ZNF362: variants seen among roughly 807,000 people sequenced by gnomAD.
The protein encoded by ZNF362 is rotund homolog.
In ZNF362, 11 loss-of-function variants were observed where a neutral mutation model predicts 42.9. The ratio of observed to expected loss-of-function variants is 0.26; its 90% CI spans 0.16 to 0.42. The LOEUF (loss-of-function observed/expected upper bound fraction) is 0.42. Ranked by LOEUF, ZNF362 falls within the 20% of genes least tolerant of loss-of-function variation. ZNF362 has a pLI of 1.00. For synonymous variants in ZNF362, 255 were observed against 257.3 expected (o/e 0.99, Z 0.09); for missense variants, 362 against 576.2 (o/e 0.63, Z 3.81).
chr1:33,299,671 A>G lies in ZNF362; in HGVS notation c.*625A>G, dbSNP rs1132790. The G allele has an allele frequency of 0.5, 75,410 of 152,044 alleles. 19,913 individuals are homozygous for G. Among genetic ancestry groups the G allele is most frequent in the African/African-American group, 0.69 (28,505 of 41,232 alleles). The allele number at this position is 152,044 out of a possible 1,614,324, so 9.4% of individuals were successfully genotyped here. A position where few individuals can be genotyped will look rare whatever the true frequency, so the allele number is the denominator to read the frequency against. On this transcript the variant is annotated 3_prime_UTR_variant, in exon 9 of 9. Coordinates refer to ENST00000539719, the MANE Select transcript of ZNF362 (RefSeq NM_152493.3). ...GAGGGGTGCGGCAGCTTCAGGAGGCAGAAACGAGAGGGGTGGGAGATCCAC... is the reference window on the plus strand; with the variant it reads ...GAGGGGTGCGGCAGCTTCAGGAGGCGGAAACGAGAGGGGTGGGAGATCCAC...
At chr1:33,257,325 A>T (rs571487599) in intron 1 of ZNF362, among the ~76,000 whole-genome samples, 1 of 151,944 alleles carries the variant, frequency 6.6e-6, no homozygotes, top group Non-Finnish European at 1.5e-5. Flanking sequence ...TTAAAGAAAA[A>T]AAAAAAGGGA....
chr1:33,178,469 T>C, the ZNF362 span, among the ~76,000 whole-genome samples: 1 of 152,128 alleles, frequency 6.6e-6, no homozygotes, highest in Non-Finnish European at 1.5e-5. Flanking sequence ...AAGGCCTCCT[T>C]CTCGGGCCAG....
At chr1:33,157,514 T>C in the ZNF362 span, among the ~76,000 whole-genome samples, 2 of 152,276 alleles carry the variant, frequency 1.3e-5, no homozygotes, top group Admixed American at 1.3e-4. Context: ...CAGTATCTAA[T>C]ATGCTCTGTA....
chr1:33,162,093 C>T, the ZNF362 span, among the ~76,000 whole-genome samples: 4 of 152,230 alleles, frequency 2.6e-5, no homozygotes, highest in East Asian at 5.8e-4. Flanking sequence ...TACAAGTCAA[C>T]TCTTGTCTTT....
chr1:33,279,796 G>T (rs1287005334), intron 4 of ZNF362, among the ~76,000 whole-genome samples: 4 of 152,086 alleles, frequency 2.6e-5, no homozygotes, highest in Non-Finnish European at 5.9e-5. Flanking sequence ...GCAATTAATT[G>T]CTGTTTACCG....
intron 6 of ZNF362, among the ~76,000 whole-genome samples, chr1:33,291,041 T>C (rs1159128469): frequency 6.6e-6 from 1 of 152,238 alleles, no homozygotes; most frequent in Non-Finnish European, 1.5e-5. Context: ...GGTAGTTTCT[T>C]TTGCTGTGCA....
chr1:33,168,565 T>C, the ZNF362 span, among the ~76,000 whole-genome samples: 26 of 152,192 alleles, frequency 1.7e-4, 1 homozygote, highest in Admixed American at 7.2e-4. Context: ...AGTCCTTTCC[T>C]AGAGACTTGT....
chr1:33,181,439 AG>A, the ZNF362 span: 2 of 1,586,898 alleles, frequency 1.3e-6, no homozygotes, highest in Admixed American at 3.5e-5. The surrounding 1 kb of genome is among the most constrained non-coding windows in gnomAD (Gnocchi z 6.5). Context: ...CCATGGCGCC[AG>A]GGGCAGCAGA....
At position 33,280,559 on chromosome 1, in the gene ZNF362, G is replaced by T. The variant is rs970518863; in HGVS notation, c.683+102G>T. 7.6e-6 allele frequency: 11 copies of T among 1,455,516 alleles called. No homozygotes were observed. Among genetic ancestry groups the T allele is most frequent in the Non-Finnish European group, 1.0e-5 (11 of 1,100,482 alleles). The allele number at this position is 1,455,516 out of a possible 1,614,324, so 90.2% of individuals were successfully genotyped here. A position where few individuals can be genotyped will look rare whatever the true frequency, so the allele number is the denominator to read the frequency against. ...AGCGGGGCTGAAACAGGACCCTTAG[G>T]GCTGAGGGGCAGGGCTAGGGTCCAG... On this transcript the variant is annotated intron_variant, in intron 5 of 8. Coordinates refer to ENST00000539719, the MANE Select transcript of ZNF362 (RefSeq NM_152493.3). This position sits in a 1 kb window ranked among gnomAD's most constrained non-coding sequence, Gnocchi z 5.6.
the ZNF362 span, among the ~76,000 whole-genome samples, chr1:33,223,123 T>C: frequency 2.0e-5 from 3 of 152,018 alleles, no homozygotes; most frequent in Admixed American, 6.5e-5. Context: ...TTGTGGCGTG[T>C]GCCTGTAGTC....
chr1:33,149,157 T>C, the ZNF362 span, among the ~76,000 whole-genome samples: 4 of 152,194 alleles, frequency 2.6e-5, no homozygotes, highest in Non-Finnish European at 5.9e-5. Context: ...CTTCTTTTTC[T>C]TATTTATTTA....
At chr1:33,234,313 G>A in the ZNF362 span, among the ~76,000 whole-genome samples, 40,012 of 151,940 alleles carry the variant, frequency 0.26, 5,210 homozygotes, top group East Asian at 0.32. Flanking sequence ...TGTTATATTC[G>A]CATGGCACAG....
chr1:33,242,458 A>G, the ZNF362 span, among the ~76,000 whole-genome samples: 1 of 152,190 alleles, frequency 6.6e-6, no homozygotes, highest in South Asian at 2.1e-4. Context: ...CACTCTCTGC[A>G]CATAGCATCA....
At chr1:33,219,759 C>T in the ZNF362 span, among the ~76,000 whole-genome samples, 8 of 152,102 alleles carry the variant, frequency 5.3e-5, no homozygotes, top group Admixed American at 3.9e-4. Context: ...TGGCAAATCA[C>T]AGCTCTAGCC....
At chr1:33,147,838 C>T in the ZNF362 span, 1 of 1,224,574 alleles carries the variant, frequency 8.2e-7, no homozygotes, top group South Asian at 1.5e-5. The surrounding 1 kb of genome is among the most constrained non-coding windows in gnomAD (Gnocchi z 8.1). Context: ...GGCCTCTGAC[C>T]TGCTGTGTGA....
At chr1:33,129,493 G>T in the ZNF362 span, among the ~76,000 whole-genome samples, 1 of 152,124 alleles carries the variant, frequency 6.6e-6, no homozygotes, top group Non-Finnish European at 1.5e-5. The surrounding 1 kb of genome is among the most constrained non-coding windows in gnomAD (Gnocchi z 4.1). Flanking sequence ...CTAAAATTCT[G>T]CCCCAAAGTG....
the ZNF362 span, among the ~76,000 whole-genome samples, chr1:33,188,181 A>C: frequency 1.3e-5 from 2 of 152,152 alleles, no homozygotes; most frequent in African/African-American, 4.8e-5. Context: ...TTGAAGTAAG[A>C]GATTGTGCCA....
At chr1:33,187,273 T>C in the ZNF362 span, among the ~76,000 whole-genome samples, 2 of 152,238 alleles carry the variant, frequency 1.3e-5, no homozygotes, top group African/African-American at 2.4e-5. Context: ...ACCATGTGGA[T>C]GCTGGCAGTT....
Position 33,294,557 on chromosome 1 carries a change from A to C in ZNF362, c.909-380A>C, listed in dbSNP as rs150474383. The stretch of plus-strand genomic sequence containing the variant: ...GGGAAGGAGGCTGGGTGGGCAGGGA[A>C]GGTCCCGACAAAGCTGTGCATCTGT... On this transcript the variant is annotated intron_variant, in intron 6 of 8. Transcript: ENST00000539719. The surrounding 1 kb of genome is among the most constrained non-coding windows in gnomAD (Gnocchi z 4.2). Among the ~76,000 whole-genome samples, 35 of 152,274 alleles carry C rather than the reference A, an allele frequency of 2.3e-4. No homozygotes were observed. The East Asian group carries it at 3.9e-3, about 17-fold the overall frequency.
Sources: gnomAD v4.1 joint callset for allele counts (sites outside exome capture counted in the v4.1 genomes callset) on GRCh38, gnomAD v4.1.1 for gene constraint, Gnocchi (gnomAD v3.1) non-coding constraint, MANE v1.5 for transcripts, NCBI Gene and HGNC (gene_info 2026-07-23, HGNC 2026-07-21) for gene names.